The following ANKRD45 variants were observed in gnomAD, a reference collection of about 807,000 sequenced individuals.
ANKRD45 encodes the protein ankyrin repeat domain 45.
A neutral mutation model predicts 28.1 loss-of-function variants in ANKRD45; 21 were observed. That is an observed-to-expected ratio of 0.75 (90% CI 0.53 to 1.08). The LOEUF (loss-of-function observed/expected upper bound fraction) is 1.08, where lower values mean the gene tolerates loss of function less well. Ranked by LOEUF, ANKRD45 falls within the 50% of genes least tolerant of loss-of-function variation. ANKRD45 has a pLI of 0.00. For synonymous variants in ANKRD45, 86 were observed against 103.9 expected, an observed-to-expected ratio of 0.83 and a Z score of 1.05; for missense variants, 261 against 308.7, an observed-to-expected ratio of 0.85 and a Z score of 1.16.
At chr1:173,628,231 C>A (rs1185520210) in intron 3 of ANKRD45, among the ~76,000 whole-genome samples, 3 of 151,160 alleles carry the variant, frequency 2.0e-5, no homozygotes. Context: ...GGAGAGACAC[C>A]TTCTGCTTGA....
At chr1:173,681,079 A>G in the ANKRD45 span, among the ~76,000 whole-genome samples, 7 of 152,102 alleles carry the variant, frequency 4.6e-5, no homozygotes, top group Non-Finnish European at 1.0e-4. Flanking sequence ...ATATATACCT[A>G]TGTAACAAAC....
intron 3 of ANKRD45, among the ~76,000 whole-genome samples, chr1:173,643,736 T>A (rs1014876119): frequency 6.6e-6 from 1 of 152,088 alleles, no homozygotes; most frequent in Non-Finnish European, 1.5e-5. Context: ...TGACTTAAAG[T>A]ATCTTGAAAA....
the ANKRD45 span, among the ~76,000 whole-genome samples, chr1:173,696,802 A>G: frequency 1.9e-3 from 290 of 151,938 alleles, no homozygotes; most frequent in Non-Finnish European, 3.3e-3. Flanking sequence ...TTTCTATTCA[A>G]ATAGAGGATG....
chr1:173,701,016 G>A, the ANKRD45 span, among the ~76,000 whole-genome samples: 1 of 152,166 alleles, frequency 6.6e-6, no homozygotes, highest in Non-Finnish European at 1.5e-5. Context: ...AAGGATATGA[G>A]CAGACACTTT....
the ANKRD45 span, among the ~76,000 whole-genome samples, chr1:173,682,789 T>C: frequency 1.3e-5 from 2 of 152,018 alleles, no homozygotes; most frequent in African/African-American, 4.8e-5. Flanking sequence ...AAAGTCTTTT[T>C]AAATCTCGTT....
chr1:173,635,475 T>A (rs1265021280), intron 3 of ANKRD45: 6 of 1,361,296 alleles, frequency 4.4e-6, no homozygotes, highest in African/African-American at 1.5e-5. Context: ...TTAGCTATTT[T>A]AAAATAGCTA....
At chr1:173,671,312 C>T (rs948802174), upstream of ANKRD45, among the ~76,000 whole-genome samples, 5 of 152,052 alleles carry the variant, frequency 3.3e-5, no homozygotes, top group African/African-American at 1.2e-4. Context: ...AAAAATGGAC[C>T]ACTTAAAAAG....
intron 1 of ANKRD45, among the ~76,000 whole-genome samples, chr1:173,666,656 A>C (rs1233596198): frequency 6.6e-6 from 1 of 152,172 alleles, no homozygotes; most frequent in Non-Finnish European, 1.5e-5. Context: ...TTTTTCAAAA[A>C]ATTTTAGATC....
chr1:173,690,072 C>CA, the ANKRD45 span, among the ~76,000 whole-genome samples: 4 of 112,502 alleles, frequency 3.6e-5, no homozygotes, highest in South Asian at 3.7e-4. Context: ...GCCCCCCCCC[C>CA]CCCCGACCTC....
chr1:173,635,977 C>G, intron 3 of ANKRD45: 1 of 671,698 alleles, frequency 1.5e-6, no homozygotes, highest in Non-Finnish European at 2.5e-6. Context: ...CCCATTCATT[C>G]CCAGCATCTA....
At chr1:173,697,432 A>G in the ANKRD45 span, among the ~76,000 whole-genome samples, 3 of 152,222 alleles carry the variant, frequency 2.0e-5, no homozygotes, top group Admixed American at 2.0e-4. Context: ...TGGGTTACCC[A>G]CAAAGGGAAG....
chr1:173,688,481 TCTCTCTCTGCCTCTTC>T, the ANKRD45 span, among the ~76,000 whole-genome samples: 32 of 148,798 alleles, frequency 2.2e-4, no homozygotes, highest in East Asian at 3.1e-3. Flanking sequence ...CCTCTTCCTC[TCTCTCTCTGCCTCTTC>T]CTCTCTCTGC....
chr1:173,640,064 C>A lies in ANKRD45; in HGVS notation c.496+6782G>T, dbSNP rs573496682. 4.3e-4 allele frequency among the ~76,000 whole-genome samples: 66 copies of A among 152,194 alleles called. 1 individual carries two copies. The highest frequency in any genetic ancestry group is 2.2e-3 in the Admixed American group (34 of 15,288). ...GTTCTAGAAACTCATTTACTGTGGA[C>A]CAAATGTCTTCCCATTGCCTTATTG... is the stretch of plus-strand genomic sequence containing the variant. On this transcript the variant is annotated intron_variant, in intron 3 of 5. Transcript: ENST00000333279.
intron 5 of ANKRD45, 66 bp from the exon 6 acceptor site, chr1:173,610,281 T>C: frequency 7.0e-7 from 1 of 1,422,888 alleles, no homozygotes. Context: ...ATGAAGCCAG[T>C]TTTTAAGACA....
intron 1 of ANKRD45, among the ~76,000 whole-genome samples, chr1:173,666,778 G>T (rs550596556): frequency 6.6e-6 from 1 of 151,914 alleles, no homozygotes; most frequent in East Asian, 1.9e-4. Context: ...TTTTAGACAA[G>T]ATCTCACTCT....
At chr1:173,671,012 AC>A (rs965543035), upstream of ANKRD45, among the ~76,000 whole-genome samples, 1 of 152,174 alleles carries the variant, frequency 6.6e-6, no homozygotes, top group African/African-American at 2.4e-5. Context: ...GCAAGTCCCT[AC>A]CCTGGTTCCT....
chr1:173,653,802 T>C (rs1669356305), intron 2 of ANKRD45, among the ~76,000 whole-genome samples: 1 of 152,200 alleles, frequency 6.6e-6, no homozygotes, highest in Non-Finnish European at 1.5e-5. Flanking sequence ...TGTCTATATA[T>C]TTATGATAGT....
intron 4 of ANKRD45, among the ~76,000 whole-genome samples, chr1:173,625,284 C>G (rs1236777588): frequency 6.6e-6 from 1 of 151,906 alleles, no homozygotes; most frequent in Non-Finnish European, 1.5e-5. Flanking sequence ...ACACTTTCTC[C>G]CTAATTCTTT....
intron 1 of ANKRD45, among the ~76,000 whole-genome samples, chr1:173,668,040 G>T (rs1445562425): frequency 1.3e-5 from 2 of 152,042 alleles, no homozygotes; most frequent in African/African-American, 4.8e-5. Flanking sequence ...ATTTTTTAAG[G>T]AATTAATAAA....
Sources: gnomAD v4.1 joint callset for allele counts (sites outside exome capture counted in the v4.1 genomes callset) on GRCh38, gnomAD v4.1.1 for gene constraint, MANE v1.5 for transcripts, NCBI Gene and HGNC (gene_info 2026-07-23, HGNC 2026-07-21) for gene names.